The following CNRIP1 variants were observed in gnomAD, a reference collection of about 807,000 sequenced individuals.
The protein encoded by CNRIP1 is cannabinoid receptor interacting protein 1.
A neutral mutation model predicts 15.2 loss-of-function variants in CNRIP1; 10 were observed. The ratio of observed to expected loss-of-function variants is 0.66; its 90% CI spans 0.41 to 1.12. The LOEUF (loss-of-function observed/expected upper bound fraction) is 1.12, where lower values mean the gene tolerates loss of function less well. CNRIP1 is among the 50% of genes most tolerant of loss of function. CNRIP1 has a pLI of 0.00. For synonymous variants in CNRIP1, 91 were observed against 83.2 expected (o/e 1.09, Z -0.51); for missense variants, 211 against 214.7 (o/e 0.98, Z 0.11).
In CNRIP1 at chr2:68,319,776, A is replaced by G. The variant is rs972851098; in HGVS notation, c.-376T>C. 21 of 187,656 alleles carry G rather than the reference A, an allele frequency of 1.1e-4. No individual in the cohort carries two copies. Among genetic ancestry groups the G allele is most frequent in the Non-Finnish European group, 2.0e-4 (18 of 90,254 alleles). 11.6% of individuals were successfully genotyped at this position (187,656 alleles called of 1,614,324 possible). On this transcript the variant is annotated 5_prime_UTR_variant, in exon 1 of 3. Coordinates refer to ENST00000263655, the MANE Select transcript of CNRIP1 (RefSeq NM_015463.3). Reference sequence around the variant, plus strand: ...GAGTTAATCCTGTTTACGCACCACAATCCCCTTCAGCTGGGGAAGCGGACA... The same window carrying G: ...GAGTTAATCCTGTTTACGCACCACAGTCCCCTTCAGCTGGGGAAGCGGACA...
rs148533241 is a variant in CNRIP1, at chr2:68,319,386, C to G, written c.15G>C (p.Pro5=). The G allele has an allele frequency of 2.3e-5, 37 of 1,578,180 alleles. No homozygotes were observed. Among genetic ancestry groups the G allele is most frequent in the Non-Finnish European group, 3.1e-5 (36 of 1,164,422 alleles). ...GCGCGATGGAGAGGCGCACGAGGCC[C>G]GGCAGGTCCCCCATGTCTGGGCGAG... MGDL[P]GLVRLSIALR... The change falls in exon 1 of 3, where the codon CCG becomes CCC. Residue 5 remains proline (P), a synonymous_variant. Transcript: ENST00000263655.
In CNRIP1 at chr2:68,317,318, C is replaced by G. The variant is rs374183617; in HGVS notation, c.180-11G>C. ...CCAATGGAAATATTCCTGCAATAGA[C>G]TTGAGTTGACCACATACGGTTGAAA... On this transcript the variant is annotated splice_polypyrimidine_tract_variant and intron_variant, in intron 1 of 2. Coordinates refer to ENST00000263655, the MANE Select transcript of CNRIP1 (RefSeq NM_015463.3). 1.9e-6 allele frequency: 3 copies of G among 1,613,074 alleles called. No individual in the cohort carries two copies. The Admixed American group carries it at 5.0e-5, about 27-fold the overall frequency.
intron 2 of CNRIP1, among the ~76,000 whole-genome samples, chr2:68,304,489 G>A (rs1310802009): frequency 6.6e-6 from 1 of 152,062 alleles, no homozygotes; most frequent in Non-Finnish European, 1.5e-5. Flanking sequence ...GTCCCTAACT[G>A]TAACTCGTGA....
chr2:68,294,992 C>CA (rs1372463127), intron 2 of CNRIP1, among the ~76,000 whole-genome samples: 2 of 152,168 alleles, frequency 1.3e-5, no homozygotes, highest in African/African-American at 4.8e-5. Flanking sequence ...GGCCACTGGG[C>CA]AGATGCTCAA....
downstream of CNRIP1, among the ~76,000 whole-genome samples, chr2:68,292,745 G>A (rs3732042): frequency 0.086 from 13,065 of 152,126 alleles, 864 homozygotes; most frequent in East Asian, 0.19. Context: ...ACTGGGGAGG[G>A]GTCACCACAG....
rs149399358 is a variant in CNRIP1, at chr2:68,319,336, G to A, written c.65C>T (p.Pro22Leu). 3.2e-6 allele frequency: 5 copies of A among 1,572,958 alleles called. No homozygotes were observed. Among genetic ancestry groups the A allele is most frequent in the Non-Finnish European group, 3.5e-6 (4 of 1,159,182 alleles). Residue 22 changes from proline to leucine, a missense_variant, in exon 1 of 3, where the codon CCG becomes CTG. By Grantham distance (98) the Pro-to-Leu change is moderately conservative (BLOSUM62 -3). Coordinates refer to ENST00000263655, the MANE Select transcript of CNRIP1 (RefSeq NM_015463.3). ...CTGCCCGTCCACCTTGTAAAAGACC[G>A]GGCCGTCATTAGGCTGGATGCGCAG... ...IALRIQPNDG[P>L]VFYKVDGQRF...
At chr2:68,303,395 G>A (rs1340117110) in intron 2 of CNRIP1, among the ~76,000 whole-genome samples, 1 of 152,134 alleles carries the variant, frequency 6.6e-6, no homozygotes, top group Non-Finnish European at 1.5e-5. Flanking sequence ...TCTCTTCCAA[G>A]TACTCAGAGG....
chr2:68,298,892 A>G (rs1671490257), intron 2 of CNRIP1, among the ~76,000 whole-genome samples: 2 of 151,592 alleles, frequency 1.3e-5, no homozygotes, highest in African/African-American at 4.9e-5. Context: ...CAGGCTCTTC[A>G]CTCCCTCCCC....
rs185795822 is a variant in CNRIP1 at position 68,315,380 on chromosome 2, A to G, written c.330+1777T>C. ...CAGATGATAGGCGTGTAAATTGCCT[A>G]GCTTTTCTGGAGGTCAGTGAGGCAG... On this transcript the variant is annotated intron_variant, in intron 2 of 2. Coordinates refer to ENST00000263655, the MANE Select transcript of CNRIP1 (RefSeq NM_015463.3). 7.9e-4 allele frequency among the ~76,000 whole-genome samples: 121 copies of G among 152,310 alleles called. 1 individual carries two copies. Among genetic ancestry groups the G allele is most frequent in the African/African-American group, 2.7e-3 (113 of 41,580 alleles).
Position 68,319,478 on chromosome 2 carries a change from G to C in CNRIP1, c.-78C>G, listed in dbSNP as rs1020608846. 5 of 1,380,164 alleles carry C rather than the reference G, an allele frequency of 3.6e-6. No individual in the cohort carries two copies. The highest frequency in any genetic ancestry group is 1.5e-5 in the African/African-American group (1 of 66,994). 85.5% of individuals were successfully genotyped at this position (1,380,164 alleles called of 1,614,324 possible). On this transcript the variant is annotated 5_prime_UTR_variant, in exon 1 of 3. Coordinates refer to ENST00000263655, the MANE Select transcript of CNRIP1 (RefSeq NM_015463.3). ...CTGCGGCCGAGTGGCTGGAGCGCGA[G>C]GGGCGGAGAGGAAGCGCGGGGAGGG...
intron 2 of CNRIP1, among the ~76,000 whole-genome samples, chr2:68,287,114 A>C (rs774042439): frequency 3.3e-5 from 5 of 152,196 alleles, no homozygotes; most frequent in Non-Finnish European, 7.3e-5. Flanking sequence ...CTCCTAATCC[A>C]TATTGTGACT....
downstream of CNRIP1, among the ~76,000 whole-genome samples, chr2:68,292,241 A>C (rs1160852526): frequency 6.6e-6 from 1 of 151,980 alleles, no homozygotes; most frequent in Admixed American, 6.5e-5. Context: ...AAACAAAAAA[A>C]CAAACAAAAA....
At chr2:68,289,770 C>T (rs1396870938), downstream of CNRIP1, among the ~76,000 whole-genome samples, 2 of 151,964 alleles carry the variant, frequency 1.3e-5, no homozygotes, top group East Asian at 1.9e-4. Flanking sequence ...CATGAGCCAA[C>T]GTGCCCAGGC....
At chr2:68,301,459 C>A (rs1465925560) in intron 2 of CNRIP1, among the ~76,000 whole-genome samples, 1 of 152,114 alleles carries the variant, frequency 6.6e-6, no homozygotes, top group Non-Finnish European at 1.5e-5. Context: ...AGATGGGAAA[C>A]AAGGCAAGAA....
exon 3 of CNRIP1, chr2:68,284,387 G>T: frequency 3.2e-6 from 4 of 1,239,434 alleles, no homozygotes; most frequent in Non-Finnish European, 4.3e-6. Flanking sequence ...AAAAAAAAAA[G>T]AACATTTGTT....
At chr2:68,308,239 G>A (rs1396753584) in intron 2 of CNRIP1, among the ~76,000 whole-genome samples, 1 of 150,486 alleles carries the variant, frequency 6.6e-6, no homozygotes, top group Non-Finnish European at 1.5e-5. Context: ...AAAAACCCCC[G>A]ATGTCATTGG....
intron 1 of CNRIP1, 101 bp downstream of exon 1, chr2:68,319,121 G>C (rs1672392166): frequency 1.6e-6 from 2 of 1,242,908 alleles, no homozygotes; most frequent in Non-Finnish European, 2.1e-6. Context: ...GGAGCGGCGC[G>C]AGGCCAGAGG....
chr2:68,310,272 G>A (rs1558667985), intron 2 of CNRIP1, among the ~76,000 whole-genome samples: 1 of 152,220 alleles, frequency 6.6e-6, no homozygotes, highest in Non-Finnish European at 1.5e-5. Flanking sequence ...AGGCTGCAGT[G>A]AGCTGAGATC....
At chr2:68,312,288 T>C (rs182781014) in intron 2 of CNRIP1, among the ~76,000 whole-genome samples, 301 of 152,266 alleles carry the variant, frequency 2.0e-3, no homozygotes, top group African/African-American at 7.1e-3. Flanking sequence ...CCAGTGGTAT[T>C]TAACCTGGGA....
Sources: gnomAD v4.1 joint callset for allele counts (sites outside exome capture counted in the v4.1 genomes callset) on GRCh38, gnomAD v4.1.1 for gene constraint, MANE v1.5 for transcripts, NCBI Gene and HGNC (gene_info 2026-07-23, HGNC 2026-07-21) for gene names.